Variants in ANO7 observed in about 807,000 individuals in gnomAD.
ANO7 encodes the protein anoctamin 7.
A neutral mutation model predicts 115.8 loss-of-function variants in ANO7; 114 were observed. That is an observed-to-expected ratio of 0.98 (90% CI 0.85 to 1.15). The LOEUF is 1.15. Among genes scored for constraint, ANO7 ranks in the 50% most tolerant of loss-of-function variants. ANO7 has a pLI of 0.00. For missense variants in ANO7, 1,302 were observed against 1,201.2 expected (o/e 1.08, Z -1.24); for synonymous variants, 550 against 498.2 (o/e 1.10, Z -1.38).
intron 21 of ANO7, among the ~76,000 whole-genome samples, chr2:241,218,960 G>A (rs2068940883): frequency 6.6e-6 from 1 of 152,166 alleles, no homozygotes; most frequent in Non-Finnish European, 1.5e-5. Context: ...TATTTTAACC[G>A]CCAGGGCCAG....
rs778662916 is a variant in ANO7, at chr2:241,210,421, G to A, written c.1458+28G>A. 15 of 1,613,546 alleles carry A rather than the reference G, an allele frequency of 9.3e-6. No homozygotes were observed. In the African/African-American group the frequency reaches 1.5e-4, roughly 16 times the overall value. ...GAGCCTCTGCTGCCTGCCTCGGGGG[G>A]CCCTGAGCGGCCCCTCATCCGGCTC... On this transcript the variant is annotated intron_variant, in intron 14 of 24. Coordinates refer to ENST00000674324, the MANE Select transcript of ANO7 (RefSeq NM_001370694.2).
rs2068676058 is a variant in ANO7, at chr2:241,209,651, G to A, written c.1359+16G>A. Reference sequence around the variant, plus strand: ...CGTGGTGATGGTATGCGGTCCCCCTGCCCTCCGCTCACGCCTCCATCCTCC... The same window carrying A: ...CGTGGTGATGGTATGCGGTCCCCCTACCCTCCGCTCACGCCTCCATCCTCC... On this transcript the variant is annotated intron_variant, in intron 13 of 24. Transcript: ENST00000674324. The A allele has an allele frequency of 3.3e-6, 5 of 1,527,804 alleles. No homozygotes were observed. Among genetic ancestry groups the A allele is most frequent in the Non-Finnish European group, 4.4e-6 (5 of 1,141,000 alleles). The allele number at this position is 1,527,804 out of a possible 1,614,324, so 94.6% of individuals were successfully genotyped here.
In ANO7 at chr2:241,217,628, T is replaced by C. The variant is rs747270713; in HGVS notation, c.1973-58T>C. The C allele has an allele frequency of 6.6e-6, 10 of 1,522,174 alleles. No homozygotes were observed. The African/African-American group carries it at 1.2e-4, about 19-fold the overall frequency. 94.3% of individuals were successfully genotyped at this position (1,522,174 alleles called of 1,614,324 possible). On this transcript the variant is annotated intron_variant, in intron 19 of 24. Coordinates refer to ENST00000674324, the MANE Select transcript of ANO7 (RefSeq NM_001370694.2). ...TGGCCGGTCCTCCGCGGGGGGCGCGTTCCGAGGGCTGAGGGCGGACGGTGG... is the reference window on the plus strand; with the variant it reads ...TGGCCGGTCCTCCGCGGGGGGCGCGCTCCGAGGGCTGAGGGCGGACGGTGG...
chr2:241,236,507 T>C, the ANO7 span: 1 of 1,115,510 alleles, frequency 9.0e-7, no homozygotes, highest in Non-Finnish European at 1.3e-6. Context: ...CTACCTCCAC[T>C]GCCACTGCCG....
intron 19 of ANO7, among the ~76,000 whole-genome samples, chr2:241,216,959 G>A (rs1221885468): frequency 1.3e-5 from 2 of 152,108 alleles, no homozygotes; most frequent in African/African-American, 4.8e-5. Flanking sequence ...TCAGCCTCCC[G>A]AGTAGCTGGG....
chr2:241,189,976 C>A lies in ANO7; in HGVS notation c.-7-81C>A, dbSNP rs371321043. 1.8e-5 allele frequency: 20 copies of A among 1,093,776 alleles called. No individual in the cohort carries two copies. The East Asian group carries it at 5.1e-4, about 28-fold the overall frequency. 67.8% of individuals were successfully genotyped at this position (1,093,776 alleles called of 1,614,324 possible). ...TCGAGTCTGTAAAGTGAGCTCACTG[C>A]AGGCAGTGTGGTGGCCCCAGGAACG... On this transcript the variant is annotated intron_variant, in intron 1 of 24. Transcript: ENST00000674324.
intron 7 of ANO7, 21 bp downstream of exon 7, chr2:241,201,376 G>C: frequency 6.2e-7 from 1 of 1,608,166 alleles, no homozygotes; most frequent in Non-Finnish European, 8.5e-7. Context: ...GTTCCCTGCC[G>C]CGGGCCCCAA....
In ANO7 at chr2:241,209,443, C is replaced by A; in HGVS notation, c.1221+15C>A. ...AGGACACTGAGGTGAGCCACCCCCG[C>A]TGGACCACGGTCACACCCGGCGAGG... On this transcript the variant is annotated intron_variant, in intron 12 of 24. Coordinates refer to ENST00000674324, the MANE Select transcript of ANO7 (RefSeq NM_001370694.2). 6.3e-7 allele frequency: 1 copy of A among 1,599,204 alleles called. No individual in the cohort carries two copies. The highest frequency in any genetic ancestry group is 1.3e-5 in the African/African-American group (1 of 74,722).
chr2:241,214,825 G>C lies in ANO7; in HGVS notation c.1749G>C (p.Leu583=), dbSNP rs1415609613. 6.2e-7 allele frequency: 1 copy of C among 1,612,262 alleles called. No individual in the cohort carries two copies. Among genetic ancestry groups the C allele is most frequent in the South Asian group, 1.1e-5 (1 of 91,084 alleles). The part of the protein sequence containing the change: ...RNEECAAGGC[L]IELAQELLVI... The stretch of plus-strand genomic sequence containing the variant: ...CGTAGTGCGCGGCTGGAGGCTGCCT[G>C]ATCGAGCTGGCACAGGAGCTCCTGG... Residue 583 remains leucine, a synonymous_variant, in exon 18 of 25, where the codon CTG becomes CTC. Transcript: ENST00000674324.
chr2:241,226,105 A>C (rs1280927723), downstream of ANO7, among the ~76,000 whole-genome samples: 1 of 152,034 alleles, frequency 6.6e-6, no homozygotes, highest in Non-Finnish European at 1.5e-5. Flanking sequence ...AAGCTCCCCG[A>C]TGCCCACGTG....
At chr2:241,218,174 G>C in intron 20 of ANO7, 65 bp from the exon 21 acceptor site, 1 of 1,071,618 alleles carries the variant, frequency 9.3e-7, no homozygotes, top group Non-Finnish European at 1.1e-6. Context: ...GGGCGCGCAG[G>C]GGCGGAGCGG....
In ANO7 at chr2:241,210,339, T is replaced by A; in HGVS notation, c.1404T>A (p.Arg468=). The change falls in exon 14 of 25, where the codon CGT becomes CGA. Residue 468 remains arginine, a synonymous_variant. Transcript: ENST00000674324. The stretch of plus-strand genomic sequence containing the variant: ...GCCTCGTGTCTATCATCCTGTACCG[T>A]GCCATCATGGCCATCGTGGTGTCCA... ...VMCLVSIILY[R]AIMAIVVSRS... 6.2e-7 allele frequency: 1 copy of A among 1,614,050 alleles called. No individual in the cohort carries two copies. The highest frequency in any genetic ancestry group is 8.5e-7 in the Non-Finnish European group (1 of 1,179,982).
chr2:241,205,949 G>GAC (rs1165848165), intron 10 of ANO7, among the ~76,000 whole-genome samples: 6 of 19,720 alleles, frequency 3.0e-4, no homozygotes, highest in South Asian at 3.0e-3. Flanking sequence ...CTCCCAGCCT[G>GAC]ACAGGTGGAC....
At chr2:241,223,830 C>A in intron 23 of ANO7, 49 bp downstream of exon 23, 1 of 1,614,128 alleles carries the variant, frequency 6.2e-7, no homozygotes, top group Non-Finnish European at 8.5e-7. Flanking sequence ...CTCTCCCTAT[C>A]CTTGTCAGTG....
In ANO7 at chr2:241,203,443, G is replaced by C. The variant is rs1330617453; in HGVS notation, c.834G>C (p.Leu278=). The change falls in exon 9 of 25, where the codon CTG becomes CTC. Residue 278 remains leucine (L), a synonymous_variant. Coordinates refer to ENST00000674324, the MANE Select transcript of ANO7 (RefSeq NM_001370694.2). This position sits in a 1 kb window ranked among gnomAD's most constrained non-coding sequence, Gnocchi z 4.8. ...GCAAGTGGAACAAGTACCAGCCCCT[G>C]GACCACGTGCGCAGGTACTTCGGGG... is the stretch of plus-strand genomic sequence containing the variant. ...RWGKWNKYQP[L]DHVRRYFGEK... 1 of 1,587,904 alleles carries C rather than the reference G, an allele frequency of 6.3e-7. No homozygotes were observed. Among genetic ancestry groups the C allele is most frequent in the Non-Finnish European group, 8.6e-7 (1 of 1,168,462 alleles).
intron 5 of ANO7, 45 bp downstream of exon 5, chr2:241,199,468 C>T: frequency 6.3e-7 from 1 of 1,585,534 alleles, no homozygotes. Context: ...AGGTCCCGGT[C>T]CCCACACACT....
chr2:241,188,849 A>G lies in ANO7; in HGVS notation c.-8+83A>G. The G allele has an allele frequency of 2.6e-6, 4 of 1,521,556 alleles. No individual in the cohort carries two copies. The highest frequency in any genetic ancestry group is 1.8e-6 in the Non-Finnish European group (2 of 1,130,524). The allele number at this position is 1,521,556 out of a possible 1,614,324, so 94.3% of individuals were successfully genotyped here. On this transcript the variant is annotated intron_variant, in intron 1 of 24. Transcript: ENST00000674324. This position sits in a 1 kb window ranked among gnomAD's most constrained non-coding sequence, Gnocchi z 4.3. ...GGGAGGCAGGGCGGCACCCCAGCCC[A>G]CCGGGACTTTCACACACCCTGGCCT...
chr2:241,205,652 C>T (rs2068576529), intron 10 of ANO7, among the ~76,000 whole-genome samples: 2 of 95,846 alleles, frequency 2.1e-5, no homozygotes, highest in South Asian at 4.3e-4. Context: ...AGGAGTGCTC[C>T]CAGCCTGACA....
intron 17 of ANO7, 50 bp downstream of exon 17, chr2:241,212,676 T>C (rs1181981326): frequency 2.6e-6 from 4 of 1,546,928 alleles, no homozygotes; most frequent in Non-Finnish European, 3.5e-6. Flanking sequence ...GTGCTTCCTC[T>C]CACTTCCATT....
Sources: allele counts gnomAD v4.1 joint callset (sites outside exome capture counted in the v4.1 genomes callset), GRCh38; gene constraint gnomAD v4.1.1; non-coding constraint Gnocchi (gnomAD v3.1); transcripts MANE v1.5; gene names NCBI Gene and HGNC (gene_info 2026-07-23, HGNC 2026-07-21).